CFAP221: variants seen among roughly 807,000 people sequenced by gnomAD.
CFAP221 encodes cilia and flagella associated protein 221.
CFAP221 carries 97 observed loss-of-function variants against 113.1 expected under a neutral mutation model. That is an observed-to-expected ratio of 0.86 (90% CI 0.73 to 1.02). CFAP221 has a LOEUF of 1.02. Among genes scored for constraint, CFAP221 ranks in the 50% least tolerant of loss-of-function variants. CFAP221 has a pLI of 0.00. For missense variants in CFAP221, 1,025 were observed against 1,013.4 expected, an observed-to-expected ratio of 1.01 and a Z score of -0.16; for synonymous variants, 331 against 354.4, an observed-to-expected ratio of 0.93 and a Z score of 0.74.
At chr2:119,647,171 A>G (rs1404412472) in intron 22 of CFAP221, 121 bp downstream of exon 22, 2 of 712,272 alleles carry the variant, frequency 2.8e-6, no homozygotes, top group African/African-American at 1.8e-5. Context: ...AAATGAGAAG[A>G]TAAGGCTAAC....
At chr2:119,607,005 G>A (rs1041320459) in intron 11 of CFAP221, among the ~76,000 whole-genome samples, 24 of 152,080 alleles carry the variant, frequency 1.6e-4, no homozygotes, top group African/African-American at 5.8e-4. Context: ...TAGCTCCTAA[G>A]AACAAAGACA....
intron 8 of CFAP221, among the ~76,000 whole-genome samples, chr2:119,603,800 TA>T (rs1684524214): frequency 6.6e-6 from 1 of 152,026 alleles, no homozygotes; most frequent in African/African-American, 2.4e-5. Flanking sequence ...AAATAATTTC[TA>T]AAAAAAGAAA....
At chr2:119,619,969 T>C (rs542056891) in intron 14 of CFAP221, among the ~76,000 whole-genome samples, 1 of 151,794 alleles carries the variant, frequency 6.6e-6, no homozygotes, top group African/African-American at 2.4e-5. Context: ...GCCAAATCGA[T>C]CAAGTGGAAG....
At chr2:119,568,212 G>C (rs1018972348) in intron 6 of CFAP221, among the ~76,000 whole-genome samples, 1 of 152,124 alleles carries the variant, frequency 6.6e-6, no homozygotes, top group African/African-American at 2.4e-5. Context: ...CATAATTGAA[G>C]TCATTGTTGC....
intron 2 of CFAP221, 102 bp downstream of exon 2, chr2:119,546,372 C>A (rs1406996530): frequency 3.1e-6 from 4 of 1,280,182 alleles, no homozygotes; most frequent in Non-Finnish European, 4.2e-6. Context: ...TTATCTATAT[C>A]ATTTTATAGG....
intron 6 of CFAP221, among the ~76,000 whole-genome samples, chr2:119,572,344 A>G (rs1266294068): frequency 6.6e-6 from 1 of 152,236 alleles, no homozygotes; most frequent in Non-Finnish European, 1.5e-5. Context: ...GTGCTTTATA[A>G]CTAGATATCC....
intron 7 of CFAP221, among the ~76,000 whole-genome samples, chr2:119,598,072 G>A (rs770660633): frequency 1.3e-5 from 2 of 152,194 alleles, no homozygotes; most frequent in Admixed American, 6.5e-5. Flanking sequence ...TATGTGGCTC[G>A]AATGGCTCTA....
intron 3 of CFAP221, among the ~76,000 whole-genome samples, chr2:119,555,164 T>C (rs147779903): frequency 2.6e-3 from 395 of 152,272 alleles, no homozygotes; most frequent in African/African-American, 9.2e-3. Context: ...TGATGGTTTT[T>C]GTGGGGTTTT....
intron 19 of CFAP221, among the ~76,000 whole-genome samples, chr2:119,636,460 G>T (rs1180146402): frequency 6.6e-6 from 1 of 152,290 alleles, no homozygotes; most frequent in East Asian, 1.9e-4. Flanking sequence ...AAGTCACAAT[G>T]GTGAGCAAAA....
At chr2:119,599,550 C>T (rs761835154) in intron 7 of CFAP221, among the ~76,000 whole-genome samples, 1 of 152,102 alleles carries the variant, frequency 6.6e-6, no homozygotes, top group Non-Finnish European at 1.5e-5. Context: ...AAAAGAAAAT[C>T]TGGAGAGAGT....
At chr2:119,589,206 G>T (rs1479968119) in intron 7 of CFAP221, among the ~76,000 whole-genome samples, 1 of 152,054 alleles carries the variant, frequency 6.6e-6, no homozygotes, top group African/African-American at 2.4e-5. Flanking sequence ...TCTCAGGAAC[G>T]TTCTTGGTTT....
intron 16 of CFAP221, among the ~76,000 whole-genome samples, chr2:119,628,294 G>GGGTGTGTGTGTGT (rs1553491014): frequency 3.6e-5 from 5 of 137,490 alleles, no homozygotes; most frequent in Non-Finnish European, 7.6e-5. Context: ...CTCTCTGGGG[G>GGGTGTGTGTGTGT]GTGTGTGTGT....
chr2:119,645,244 A>G (rs547290462), intron 21 of CFAP221, among the ~76,000 whole-genome samples: 2 of 148,908 alleles, frequency 1.3e-5, no homozygotes, highest in East Asian at 2.0e-4. Flanking sequence ...TCACTTTCTT[A>G]TTGATTTAAT....
At chr2:119,608,838 C>T (rs989330303) in intron 12 of CFAP221, among the ~76,000 whole-genome samples, 12 of 152,122 alleles carry the variant, frequency 7.9e-5, no homozygotes, top group African/African-American at 2.9e-4. Context: ...TCCTGGAAGA[C>T]ATTGTATAAT....
intron 3 of CFAP221, 65 bp from the exon 4 acceptor site, chr2:119,559,624 A>G (rs1681075936): frequency 3.8e-6 from 5 of 1,325,628 alleles, no homozygotes; most frequent in Admixed American, 2.0e-5. Context: ...TGAAGTCTAC[A>G]TAAATGAGGT....
intron 8 of CFAP221, 160 bp downstream of exon 8, chr2:119,601,537 T>C: frequency 1.5e-6 from 1 of 669,810 alleles, no homozygotes; most frequent in Non-Finnish European, 2.3e-6. Context: ...AACAGAAATA[T>C]AGAATATATC....
chr2:119,584,075 G>A lies in CFAP221; in HGVS notation c.528-3044G>A, dbSNP rs61533134. Reference sequence around the variant, plus strand: ...CATTATGGAGACACTTATAAAATTTGATTGAGGACATAAAATTAAACCTTA... The same window carrying A: ...CATTATGGAGACACTTATAAAATTTAATTGAGGACATAAAATTAAACCTTA... On this transcript the variant is annotated intron_variant, in intron 6 of 23. Coordinates refer to ENST00000413369, the MANE Select transcript of CFAP221 (RefSeq NM_001271049.2). Among the ~76,000 whole-genome samples, 25 of 152,308 alleles carry A rather than the reference G, an allele frequency of 1.6e-4. No homozygotes were observed. In the East Asian group the frequency reaches 4.2e-3, roughly 26 times the overall value.
chr2:119,596,798 CA>C (rs1684014065), intron 7 of CFAP221, among the ~76,000 whole-genome samples: 1 of 152,198 alleles, frequency 6.6e-6, no homozygotes, highest in African/African-American at 2.4e-5. Flanking sequence ...GAACAGTATC[CA>C]AAAGCCCTCA....
chr2:119,573,754 A>G (rs989339097), intron 6 of CFAP221, among the ~76,000 whole-genome samples: 3 of 152,198 alleles, frequency 2.0e-5, no homozygotes, highest in Non-Finnish European at 4.4e-5. Context: ...TCTTCCATAC[A>G]TTGTTGTGTA....
Sources: gnomAD v4.1 joint callset for allele counts (sites outside exome capture counted in the v4.1 genomes callset) on GRCh38, gnomAD v4.1.1 for gene constraint, MANE v1.5 for transcripts, NCBI Gene and HGNC (gene_info 2026-07-23, HGNC 2026-07-21) for gene names.